The following EFR3B variants were observed in gnomAD, a reference collection of about 807,000 sequenced individuals.
EFR3B encodes protein EFR3 homolog B.
EFR3B carries 64 observed loss-of-function variants against 104.7 expected under a neutral mutation model. The observed-to-expected ratio is 0.61, with a 90% CI of 0.50 to 0.75. The LOEUF is 0.75. EFR3B is among the 30% of genes least tolerant of loss of function. The probability of loss-of-function intolerance (pLI) is 0.00; values close to 1 mark genes in which losing one functional copy is unlikely to be tolerated. For missense variants in EFR3B, 750 were observed against 1,078.5 expected (o/e 0.70, Z 4.27); for synonymous variants, 385 against 417.9 (o/e 0.92, Z 0.96).
intron 4 of EFR3B, among the ~76,000 whole-genome samples, chr2:25,111,693 C>T (rs529254534): frequency 7.9e-5 from 12 of 152,042 alleles, no homozygotes; most frequent in Non-Finnish European, 1.2e-4. Flanking sequence ...ATAAGAGGGA[C>T]GCAGGAGGAT....
intron 1 of EFR3B, among the ~76,000 whole-genome samples, chr2:25,090,646 C>T (rs979488323): frequency 2.0e-5 from 3 of 152,306 alleles, no homozygotes; most frequent in East Asian, 1.9e-4. Flanking sequence ...TCTAAAAGGC[C>T]GCAGTTTTCA....
In EFR3B at chr2:25,063,308, C is replaced by T. The variant is rs188006970; in HGVS notation, c.7+20989C>T. On this transcript the variant is annotated intron_variant, in intron 1 of 22. Coordinates refer to ENST00000403714, the MANE Select transcript of EFR3B (RefSeq NM_014971.2). ...TCACAGCCCACAGTAATGTCATTCT[C>T]CTAAGTACACAGAGGCTTTAATGAC... Among the ~76,000 whole-genome samples the T allele has an allele frequency of 2.0e-5, 3 of 152,286 alleles. No homozygotes were observed. The East Asian group carries it at 5.8e-4, about 29-fold the overall frequency.
intron 4 of EFR3B, among the ~76,000 whole-genome samples, chr2:25,109,002 TC>T (rs1669645688): frequency 6.6e-6 from 1 of 151,366 alleles, no homozygotes; most frequent in Non-Finnish European, 1.5e-5. Context: ...TAAGACTGTC[TC>T]AAAAAAAATA....
intron 1 of EFR3B, chr2:25,081,204 G>T: frequency 1.2e-6 from 1 of 813,096 alleles, no homozygotes. Context: ...CATTTCTGAG[G>T]AAACAGCTTT....
chr2:25,106,838 C>T (rs1669577297), intron 4 of EFR3B, among the ~76,000 whole-genome samples: 1 of 152,204 alleles, frequency 6.6e-6, no homozygotes, highest in Admixed American at 6.5e-5. Context: ...CCTGCCTTGG[C>T]CTCCCAAAGT....
At chr2:25,077,679 A>G (rs1461585998) in intron 1 of EFR3B, among the ~76,000 whole-genome samples, 2 of 152,236 alleles carry the variant, frequency 1.3e-5, no homozygotes, top group African/African-American at 2.4e-5. Flanking sequence ...TTATACATAT[A>G]TATTTTAAAA....
chr2:25,154,240 C>T lies in EFR3B; in HGVS notation c.2354C>T (p.Pro785Leu). 6.4e-7 allele frequency: 1 copy of T among 1,551,858 alleles called. No homozygotes were observed. The highest frequency in any genetic ancestry group is 8.7e-7 in the Non-Finnish European group (1 of 1,147,022). ...NQIFEITIRPPPSPSGTITAA... is the reference protein window; with the variant it reads ...NQIFEITIRPLPSPSGTITAA... The stretch of plus-strand genomic sequence containing the variant: ...CATGTGTTCCTGCCCCCTAGGCCCC[C>T]ACCAAGCCCATCAGGAACCATCACT... The change falls in exon 23 of 23, where the codon CCA (proline) becomes CTA (leucine). Residue 785 changes from proline (P) to leucine (L), a missense_variant. Pro to Leu is a moderately conservative substitution (Grantham distance 98). Transcript: ENST00000403714. The surrounding 1 kb of genome is among the most constrained non-coding windows in gnomAD (Gnocchi z 4.1).
chr2:25,088,512 T>C (rs551169902), intron 1 of EFR3B, among the ~76,000 whole-genome samples: 34 of 152,178 alleles, frequency 2.2e-4, no homozygotes, highest in Middle Eastern at 3.4e-3. Flanking sequence ...CAAGCCAGCA[T>C]TGACCAGCTG....
rs1353083581 is a variant in EFR3B, at chr2:25,131,329, G to A, written c.850-39G>A. 1 of 1,542,502 alleles carries A rather than the reference G, an allele frequency of 6.5e-7. No individual in the cohort carries two copies. Among genetic ancestry groups the A allele is most frequent in the South Asian group, 1.2e-5 (1 of 83,718 alleles). On this transcript the variant is annotated intron_variant, in intron 8 of 22. Coordinates refer to ENST00000403714, the MANE Select transcript of EFR3B (RefSeq NM_014971.2). The surrounding 1 kb of genome is among the most constrained non-coding windows in gnomAD (Gnocchi z 7.6). Reference sequence around the variant, plus strand: ...GGGCTGCGCAGCCCAGGGACCCCGTGGGGTTGCTGTCCAGGCCCAGCTCAT... The same window carrying A: ...GGGCTGCGCAGCCCAGGGACCCCGTAGGGTTGCTGTCCAGGCCCAGCTCAT...
chr2:25,137,394 C>T lies in EFR3B; in HGVS notation c.1614C>T (p.Asn538=), dbSNP rs528955153. The change falls in exon 15 of 23, where the codon AAC becomes AAT. Residue 538 remains asparagine, a synonymous_variant. Transcript: ENST00000403714. The surrounding 1 kb of genome is among the most constrained non-coding windows in gnomAD (Gnocchi z 4.7). The part of the protein sequence containing the change: ...HIYLSCKEET[N]VQKHYEALYG... ...ACCTGAGCTGCAAGGAGGAAACAAA[C>T]GTGCAGAAACACTACGAGGCGCTCT... 22 of 1,552,034 alleles carry T rather than the reference C, an allele frequency of 1.4e-5. No homozygotes were observed. The Admixed American group carries it at 2.2e-4, about 15-fold the overall frequency.
In EFR3B at chr2:25,137,471, T is replaced by C; in HGVS notation, c.1691T>C (p.Val564Ala). 1 of 1,551,724 alleles carries C rather than the reference T, an allele frequency of 6.4e-7. No individual in the cohort carries two copies. Among genetic ancestry groups the C allele is most frequent in the African/African-American group, 1.4e-5 (1 of 73,162 alleles). ...GAGCTGGCTAACGAGGAGGTGGTGG[T>C]GGACCTCATCCGTCTGGTGCTGGCT... ...SIELANEEVV[V>A]DLIRLVLAVQ... The change falls in exon 15 of 23, where the codon GTG (valine) becomes GCG (alanine). Residue 564 changes from valine to alanine, a missense_variant. Transcript: ENST00000403714. This position sits in a 1 kb window ranked among gnomAD's most constrained non-coding sequence, Gnocchi z 4.7.
In EFR3B at chr2:25,114,880, G is replaced by A. The variant is rs955870461; in HGVS notation, c.364-6793G>A. Among the ~76,000 whole-genome samples the A allele has an allele frequency of 2.0e-5, 3 of 152,266 alleles. No individual in the cohort carries two copies. The highest frequency in any genetic ancestry group is 7.2e-5 in the African/African-American group (3 of 41,538). ...TCCCCTGCCCCAGAGTAGGGGGAGCGGGCACTTAAGGATGCAGGTACCTGG... is the reference window on the plus strand; with the variant it reads ...TCCCCTGCCCCAGAGTAGGGGGAGCAGGCACTTAAGGATGCAGGTACCTGG... On this transcript the variant is annotated intron_variant, in intron 4 of 22. Transcript: ENST00000403714. The surrounding 1 kb of genome is among the most constrained non-coding windows in gnomAD (Gnocchi z 4.0).
intron 1 of EFR3B, among the ~76,000 whole-genome samples, chr2:25,085,720 C>A (rs1668931121): frequency 6.6e-6 from 1 of 151,950 alleles, no homozygotes; most frequent in Non-Finnish European, 1.5e-5. Flanking sequence ...CTGCCTCAGC[C>A]TCCCAAAGTG....
At chr2:25,144,933 A>G (rs1213575234) in intron 18 of EFR3B, 27 bp from the exon 19 acceptor site, 1 of 1,548,540 alleles carries the variant, frequency 6.5e-7, no homozygotes, top group Non-Finnish European at 8.7e-7. Context: ...GCTGGGAACT[A>G]AAGCCTCTGG....
chr2:25,061,050 C>T (rs538769891), intron 1 of EFR3B, among the ~76,000 whole-genome samples: 39 of 152,096 alleles, frequency 2.6e-4, no homozygotes, highest in Non-Finnish European at 4.6e-4. Flanking sequence ...AGACATATTC[C>T]ACAGAAGAGA....
intron 1 of EFR3B, among the ~76,000 whole-genome samples, chr2:25,070,760 T>A (rs970568108): frequency 1.3e-5 from 2 of 151,826 alleles, no homozygotes; most frequent in Admixed American, 1.3e-4. Context: ...GGGGTGGCAG[T>A]GGGAAGAGAT....
At chr2:25,056,912 A>G (rs1332263674) in intron 1 of EFR3B, among the ~76,000 whole-genome samples, 4 of 152,036 alleles carry the variant, frequency 2.6e-5, no homozygotes, top group Admixed American at 1.3e-4. Context: ...ATTAGAGCTG[A>G]TTGCTGTGTA....
chr2:25,095,413 T>G (rs1341102035), intron 3 of EFR3B, among the ~76,000 whole-genome samples: 1 of 152,020 alleles, frequency 6.6e-6, no homozygotes, highest in African/African-American at 2.4e-5. Context: ...ACGAACATAC[T>G]GGCCAGGTGC....
chr2:25,054,851 T>C (rs1667976154), intron 1 of EFR3B, among the ~76,000 whole-genome samples: 1 of 152,182 alleles, frequency 6.6e-6, no homozygotes, highest in African/African-American at 2.4e-5. Flanking sequence ...AACACTTCCT[T>C]GTCCTCTAGA....
Sources: gnomAD v4.1 joint callset for allele counts (sites outside exome capture counted in the v4.1 genomes callset) on GRCh38, gnomAD v4.1.1 for gene constraint, Gnocchi (gnomAD v3.1) non-coding constraint, MANE v1.5 for transcripts, NCBI Gene and HGNC (gene_info 2026-07-23, HGNC 2026-07-21) for gene names.